Variants in ROBO2 observed in about 807,000 individuals in gnomAD.
ROBO2 encodes roundabout homolog 2.
A neutral mutation model predicts 160.8 loss-of-function variants in ROBO2; 53 were observed. The observed-to-expected ratio is 0.33, with a 90% CI of 0.26 to 0.41. ROBO2 has a LOEUF of 0.41. ROBO2 is among the 10% of genes least tolerant of loss of function. The probability of loss-of-function intolerance (pLI) is 1.00; values close to 1 mark genes in which losing one functional copy is unlikely to be tolerated. For synonymous variants in ROBO2, 664 were observed against 611.7 expected (o/e 1.09, Z -1.26); for missense variants, 1,577 against 1,722.4 (o/e 0.92, Z 1.49).
At chr3:76,967,383 C>G (rs1011714745) in intron 2 of ROBO2, among the ~76,000 whole-genome samples, 2 of 151,654 alleles carry the variant, frequency 1.3e-5, no homozygotes. Flanking sequence ...TTTTTGTATT[C>G]TTGGTAGAGA....
At chr3:77,299,594 T>C (rs946407831) in intron 2 of ROBO2, among the ~76,000 whole-genome samples, 3 of 152,134 alleles carry the variant, frequency 2.0e-5, no homozygotes, top group Non-Finnish European at 4.4e-5. Flanking sequence ...TCACTCACTA[T>C]CATGAGAACA....
intron 2 of ROBO2, among the ~76,000 whole-genome samples, chr3:76,568,221 TTTTA>T (rs2108569537): frequency 6.6e-6 from 1 of 152,238 alleles, no homozygotes; most frequent in East Asian, 1.9e-4. Flanking sequence ...CGACATCTAT[TTTTA>T]TTTTCTCTGG....
intron 2 of ROBO2, among the ~76,000 whole-genome samples, chr3:76,526,732 A>G (rs993484540): frequency 3.9e-5 from 6 of 152,086 alleles, no homozygotes; most frequent in Admixed American, 3.9e-4. Flanking sequence ...AGGAGTAAAC[A>G]ATTATCACTG....
chr3:76,689,449 A>G (rs542842848), intron 2 of ROBO2, among the ~76,000 whole-genome samples: 2 of 152,204 alleles, frequency 1.3e-5, no homozygotes, highest in Admixed American at 1.3e-4. Context: ...TTTTTCCATC[A>G]TCTCAACATT....
At chr3:76,279,287 G>T (rs1446207782) in intron 2 of ROBO2, among the ~76,000 whole-genome samples, 2 of 133,148 alleles carry the variant, frequency 1.5e-5, no homozygotes, top group South Asian at 4.9e-4. Flanking sequence ...GCTTGTGTAG[G>T]TCTCTTACTC....
chr3:77,260,864 C>T (rs1007926062), intron 2 of ROBO2, among the ~76,000 whole-genome samples: 5 of 152,126 alleles, frequency 3.3e-5, no homozygotes, highest in Admixed American at 6.5e-5. Flanking sequence ...TGGGTAACCT[C>T]ACCTTTTGGG....
chr3:76,640,666 A>G (rs2090628407), intron 2 of ROBO2, among the ~76,000 whole-genome samples: 1 of 151,760 alleles, frequency 6.6e-6, no homozygotes, highest in Admixed American at 6.6e-5. Flanking sequence ...CACAAAAGCA[A>G]CTCAACCCAG....
intron 2 of ROBO2, among the ~76,000 whole-genome samples, chr3:76,875,393 A>T (rs996507388): frequency 6.6e-6 from 1 of 152,202 alleles, no homozygotes; most frequent in African/African-American, 2.4e-5. Flanking sequence ...TTAGATTCCT[A>T]TGGCTGCTAT....
At chr3:76,978,329 A>G (rs145288405) in intron 2 of ROBO2, among the ~76,000 whole-genome samples, 24 of 152,278 alleles carry the variant, frequency 1.6e-4, no homozygotes, top group Non-Finnish European at 3.1e-4. Context: ...CACAATGCAA[A>G]TATTTATATT....
At chr3:76,426,503 A>G (rs1169037337) in intron 2 of ROBO2, among the ~76,000 whole-genome samples, 1 of 152,170 alleles carries the variant, frequency 6.6e-6, no homozygotes, top group Non-Finnish European at 1.5e-5. Context: ...GGGTCTAAAA[A>G]AAATAAAATG....
At chr3:77,040,792 C>G in exon 1 of ROBO2, 24 of 1,613,880 alleles carry the variant, frequency 1.5e-5, no homozygotes, top group Non-Finnish European at 1.9e-5. Flanking sequence ...CAAAATGAGT[C>G]TGCTGATGTT....
intron 2 of ROBO2, among the ~76,000 whole-genome samples, chr3:76,027,490 A>G (rs972477034): frequency 3.9e-5 from 6 of 151,912 alleles, no homozygotes; most frequent in African/African-American, 1.4e-4. Context: ...TCTTTCCTAA[A>G]GAGCAACCAA....
chr3:76,714,223 A>G (rs1045516982), intron 2 of ROBO2, among the ~76,000 whole-genome samples: 1 of 152,060 alleles, frequency 6.6e-6, no homozygotes, highest in Non-Finnish European at 1.5e-5. Flanking sequence ...ACTAGATATA[A>G]CCTTGAGCAT....
intron 2 of ROBO2, among the ~76,000 whole-genome samples, chr3:76,189,676 A>G (rs1418315130): frequency 6.6e-6 from 1 of 152,076 alleles, no homozygotes; most frequent in East Asian, 1.9e-4. Context: ...CCTGTTAAAT[A>G]CTTTATGCTC....
At chr3:76,037,811 C>A (rs1461184010) in intron 2 of ROBO2, among the ~76,000 whole-genome samples, 1 of 151,888 alleles carries the variant, frequency 6.6e-6, no homozygotes, top group Non-Finnish European at 1.5e-5. Context: ...CCTTAACTAC[C>A]CTTGGACAAT....
intron 2 of ROBO2, among the ~76,000 whole-genome samples, chr3:76,834,242 T>G (rs1335546812): frequency 6.6e-6 from 1 of 150,748 alleles, no homozygotes; most frequent in Non-Finnish European, 1.5e-5. Context: ...TCTTACTATG[T>G]CACCCAAGCT....
intron 2 of ROBO2, among the ~76,000 whole-genome samples, chr3:76,059,884 T>C (rs147854478): frequency 0.021 from 3,125 of 152,158 alleles, 43 homozygotes; most frequent in East Asian, 0.081. Context: ...CCAGTTTTCC[T>C]AGCACCATTT....
At chr3:76,694,569 A>G (rs1560391833) in intron 2 of ROBO2, among the ~76,000 whole-genome samples, 1 of 152,136 alleles carries the variant, frequency 6.6e-6, no homozygotes, top group Non-Finnish European at 1.5e-5. Context: ...TTTTTTTTCA[A>G]GAACTGTTGC....
At chr3:76,218,267 C>G (rs976613717) in intron 2 of ROBO2, among the ~76,000 whole-genome samples, 9 of 152,166 alleles carry the variant, frequency 5.9e-5, no homozygotes, top group Admixed American at 5.2e-4. Flanking sequence ...CAGGGATGCC[C>G]TCTCTCACCA....
Sources: allele counts gnomAD v4.1 joint callset (sites outside exome capture counted in the v4.1 genomes callset), GRCh38; gene constraint gnomAD v4.1.1; transcripts MANE v1.5; gene names NCBI Gene and HGNC (gene_info 2026-07-23, HGNC 2026-07-21).